Variants in PLCB1 observed in about 807,000 individuals in gnomAD.
The protein encoded by PLCB1 is phospholipase C beta 1, also known as 1-phosphatidylinositol 4,5-bisphosphate phosphodiesterase beta-1.
Under a neutral mutation model 161.8 loss-of-function variants are expected in PLCB1, and 46 were observed. The ratio of observed to expected loss-of-function variants is 0.28; its 90% CI spans 0.22 to 0.36. The LOEUF is 0.36. PLCB1 is among the 10% of genes least tolerant of loss of function. PLCB1 has a pLI of 1.00. For synonymous variants in PLCB1, 517 were observed against 503.7 expected, an observed-to-expected ratio of 1.03 and a Z score of -0.35; for missense variants, 1,016 against 1,472.5, an observed-to-expected ratio of 0.69 and a Z score of 5.07.
At chr20:8,321,627 A>G (rs182705116) in intron 2 of PLCB1, among the ~76,000 whole-genome samples, 272 of 152,310 alleles carry the variant, frequency 1.8e-3, no homozygotes, top group Non-Finnish European at 2.6e-3. Context: ...CCTCAAAATC[A>G]CATACACAAA....
chr20:8,557,726 T>A (rs1986008833), intron 3 of PLCB1, among the ~76,000 whole-genome samples: 1 of 151,598 alleles, frequency 6.6e-6, no homozygotes, highest in Admixed American at 6.6e-5. Context: ...TTTATCACAA[T>A]AAAAAATAGT....
Position 8,724,762 on chromosome 20 carries a change from C to T in PLCB1, c.1678+10C>T, listed in dbSNP as rs369652433. On this transcript the variant is annotated intron_variant, in intron 16 of 31. Transcript: ENST00000338037. The stretch of plus-strand genomic sequence containing the variant: ...TTTGAAATTTCAAAAAGTAAGTTTT[C>T]CCTGGAGAAAAACCCCTCTTGCAGC... The T allele has an allele frequency of 2.5e-4, 379 of 1,496,814 alleles. 2 individuals are homozygous for T. The African/African-American group carries it at 4.6e-3, about 18-fold the overall frequency. The allele number at this position is 1,496,814 out of a possible 1,614,324, so 92.7% of individuals were successfully genotyped here. A position where few individuals can be genotyped will look rare whatever the true frequency, so the allele number is the denominator to read the frequency against.
chr20:8,876,582 A>G (rs1987787231), intron 31 of PLCB1, among the ~76,000 whole-genome samples: 1 of 152,148 alleles, frequency 6.6e-6, no homozygotes, highest in Non-Finnish European at 1.5e-5. Flanking sequence ...CCTAACAACC[A>G]ACCATAAAAA....
intron 31 of PLCB1, among the ~76,000 whole-genome samples, chr20:8,857,119 G>A (rs1420799413): frequency 6.6e-6 from 1 of 152,140 alleles, no homozygotes; most frequent in Admixed American, 6.5e-5. Flanking sequence ...TCTAATCTGT[G>A]AACAGACACG....
At chr20:8,229,208 CAT>C (rs1470411387) in intron 2 of PLCB1, among the ~76,000 whole-genome samples, 2 of 151,984 alleles carry the variant, frequency 1.3e-5, no homozygotes, top group African/African-American at 2.4e-5. Context: ...TACTATAAAA[CAT>C]AATACACATG....
At chr20:8,442,141 G>T (rs1411986774) in intron 3 of PLCB1, among the ~76,000 whole-genome samples, 2 of 152,052 alleles carry the variant, frequency 1.3e-5, no homozygotes, top group Non-Finnish European at 2.9e-5. Context: ...TTTATTTTGA[G>T]AATTTTCTAG....
intron 2 of PLCB1, among the ~76,000 whole-genome samples, chr20:8,181,331 A>AATG: frequency 6.6e-6 from 1 of 151,784 alleles, no homozygotes; most frequent in East Asian, 1.9e-4. Context: ...TGCTTTGGGG[A>AATG]ATGCTAGGAA....
At chr20:8,243,776 C>T (rs953073600) in intron 2 of PLCB1, among the ~76,000 whole-genome samples, 5 of 151,868 alleles carry the variant, frequency 3.3e-5, no homozygotes, top group Non-Finnish European at 5.9e-5. Context: ...TGCTAAAGGC[C>T]TATAGTAATT....
intron 18 of PLCB1, among the ~76,000 whole-genome samples, chr20:8,730,620 T>C (rs543089160): frequency 6.6e-6 from 1 of 151,848 alleles, no homozygotes; most frequent in Non-Finnish European, 1.5e-5. Flanking sequence ...TATTATGTTT[T>C]CCTTGACTAC....
At chr20:8,141,623 A>G (rs957552370) in intron 1 of PLCB1, among the ~76,000 whole-genome samples, 8 of 74,266 alleles carry the variant, frequency 1.1e-4, no homozygotes, top group African/African-American at 5.2e-4. Context: ...CGATACTCCG[A>G]AAAAAAAAAA....
intron 2 of PLCB1, among the ~76,000 whole-genome samples, chr20:8,162,548 T>A (rs1281998452): frequency 1.3e-5 from 2 of 152,208 alleles, no homozygotes; most frequent in African/African-American, 4.8e-5. Context: ...ATGATACATT[T>A]CAGAATAGTA....
intron 3 of PLCB1, among the ~76,000 whole-genome samples, chr20:8,488,575 C>T (rs1454018261): frequency 6.6e-6 from 1 of 151,986 alleles, no homozygotes; most frequent in African/African-American, 2.4e-5. Flanking sequence ...ACCTGAAGTG[C>T]TTAGAATAAT....
chr20:8,254,377 T>C (rs1405989092), intron 2 of PLCB1, among the ~76,000 whole-genome samples: 2 of 152,050 alleles, frequency 1.3e-5, no homozygotes, highest in African/African-American at 4.8e-5. Flanking sequence ...GATATATTTG[T>C]TTCATTTAAG....
chr20:8,712,348 C>T (rs1979067464), intron 12 of PLCB1, among the ~76,000 whole-genome samples: 1 of 151,992 alleles, frequency 6.6e-6, no homozygotes, highest in Non-Finnish European at 1.5e-5. Context: ...GCCACTGAAA[C>T]TTCTGGTTTT....
intron 10 of PLCB1, among the ~76,000 whole-genome samples, chr20:8,695,047 G>C (rs1990556083): frequency 6.6e-6 from 1 of 152,156 alleles, no homozygotes; most frequent in African/African-American, 2.4e-5. Flanking sequence ...AAGGCAATTA[G>C]GAATGGCAAT....
At chr20:8,628,233 T>A in intron 3 of PLCB1, 61 bp from the exon 4 acceptor site, 1 of 1,256,628 alleles carries the variant, frequency 8.0e-7, no homozygotes. Flanking sequence ...GAAGTTGAAG[T>A]TATGCTATCA....
intron 3 of PLCB1, among the ~76,000 whole-genome samples, chr20:8,396,919 T>C (rs922628265): frequency 6.6e-6 from 1 of 152,064 alleles, no homozygotes; most frequent in African/African-American, 2.4e-5. Context: ...TACTTTTGAG[T>C]AGACAATTTC....
At chr20:8,779,443 A>C (rs551094436) in intron 27 of PLCB1, among the ~76,000 whole-genome samples, 1 of 144,724 alleles carries the variant, frequency 6.9e-6, no homozygotes, top group Non-Finnish European at 1.5e-5. Context: ...TTTTTGATGT[A>C]ATTGTTCATA....
chr20:8,546,241 G>C (rs1235857681), intron 3 of PLCB1, among the ~76,000 whole-genome samples: 2 of 150,092 alleles, frequency 1.3e-5, no homozygotes, highest in Non-Finnish European at 2.9e-5. Context: ...TTGAACCCAG[G>C]AGGCGGAGGT....
Sources: allele counts gnomAD v4.1 joint callset (sites outside exome capture counted in the v4.1 genomes callset), GRCh38; gene constraint gnomAD v4.1.1; transcripts MANE v1.5; gene names NCBI Gene and HGNC (gene_info 2026-07-23, HGNC 2026-07-21).